The following NECAB1 variants were observed in gnomAD, a reference collection of about 807,000 sequenced individuals.
NECAB1 encodes N-terminal EF-hand calcium-binding protein 1.
NECAB1 carries 29 observed loss-of-function variants against 57.5 expected under a neutral mutation model. That is an observed-to-expected ratio of 0.50 (90% CI 0.38 to 0.69). The LOEUF is 0.69. Ranked by LOEUF, NECAB1 falls within the 30% of genes least tolerant of loss-of-function variation. The pLI is 0.00. For synonymous variants in NECAB1, 142 were observed against 147.7 expected, an observed-to-expected ratio of 0.96 and a Z score of 0.28; for missense variants, 372 against 413.8, an observed-to-expected ratio of 0.90 and a Z score of 0.88.
In NECAB1 at chr8:90,934,364, A is replaced by AT; in HGVS notation, c.747+12dup. ...TGAAGGGAATACTAAATCTGTAAGT[A>AT]TTTTTATCAGGTAAAAATGTTAGAA... On this transcript the variant is annotated splice_region_variant and intron_variant, in intron 9 of 12. Transcript: ENST00000417640. 1 of 1,459,292 alleles carries AT rather than the reference A, an allele frequency of 6.9e-7. No homozygotes were observed. The highest frequency in any genetic ancestry group is 2.6e-5 in the East Asian group (1 of 39,120). 90.4% of individuals were successfully genotyped at this position (1,459,292 alleles called of 1,614,324 possible).
intron 2 of NECAB1, among the ~76,000 whole-genome samples, chr8:90,822,522 AT>A (rs577641262): frequency 1.3e-5 from 2 of 151,724 alleles, no homozygotes; most frequent in Non-Finnish European, 2.9e-5. Flanking sequence ...CTTTTTATAT[AT>A]TTTTTTCTAA....
chr8:90,825,285 A>G (rs556522792), intron 3 of NECAB1, among the ~76,000 whole-genome samples: 6 of 152,022 alleles, frequency 3.9e-5, no homozygotes, highest in Non-Finnish European at 7.4e-5. Context: ...ACCTGAGGAC[A>G]TAATTATCTC....
In NECAB1 at chr8:90,869,137, T is replaced by A. The variant is rs113791332; in HGVS notation, c.234-2991T>A. 9.1e-3 allele frequency among the ~76,000 whole-genome samples: 1,388 copies of A among 152,308 alleles called. 20 individuals are homozygous for A. The highest frequency in any genetic ancestry group is 0.031 in the African/African-American group (1,301 of 41,548). The stretch of plus-strand genomic sequence containing the variant: ...TTCCACATGGTGTTGAGCCTACAGG[T>A]GTGCAGAAGGCAAGAGCTGAGGGTT... On this transcript the variant is annotated intron_variant, in intron 3 of 12. Coordinates refer to ENST00000417640, the MANE Select transcript of NECAB1 (RefSeq NM_022351.5).
At chr8:90,954,874 T>C (rs967124335) in intron 12 of NECAB1, among the ~76,000 whole-genome samples, 2 of 148,016 alleles carry the variant, frequency 1.4e-5, no homozygotes, top group Non-Finnish European at 3.0e-5. Flanking sequence ...CATATGCATA[T>C]ATGTATATTA....
At chr8:90,899,153 CT>C (rs1809436725) in intron 5 of NECAB1, among the ~76,000 whole-genome samples, 1 of 152,178 alleles carries the variant, frequency 6.6e-6, no homozygotes, top group Non-Finnish European at 1.5e-5. Context: ...GGAGTCCCCC[CT>C]GACTTACACC....
intron 5 of NECAB1, among the ~76,000 whole-genome samples, chr8:90,887,972 A>G (rs1364905368): frequency 1.3e-5 from 2 of 152,142 alleles, no homozygotes; most frequent in African/African-American, 4.8e-5. Flanking sequence ...CTGCTGGTGT[A>G]CCCCAAATCC....
chr8:90,902,460 C>A (rs944298223), intron 5 of NECAB1, among the ~76,000 whole-genome samples: 1 of 152,026 alleles, frequency 6.6e-6, no homozygotes, highest in African/African-American at 2.4e-5. Context: ...AAGTTACATA[C>A]GTAGAAAAGG....
chr8:90,906,903 A>ATG (rs1563528359), intron 5 of NECAB1, among the ~76,000 whole-genome samples: 8 of 141,532 alleles, frequency 5.7e-5, no homozygotes, highest in African/African-American at 2.1e-4. Context: ...ATATATATAT[A>ATG]TATATATCTT....
chr8:90,832,074 G>A (rs980186808), intron 3 of NECAB1, among the ~76,000 whole-genome samples: 23 of 152,076 alleles, frequency 1.5e-4, no homozygotes, highest in Non-Finnish European at 2.1e-4. Flanking sequence ...TGTAGCCATC[G>A]GATTTCCTTA....
intron 3 of NECAB1, among the ~76,000 whole-genome samples, chr8:90,865,388 G>C (rs1808494329): frequency 6.6e-6 from 1 of 152,088 alleles, no homozygotes; most frequent in Admixed American, 6.6e-5. Flanking sequence ...AGGGGTGTGT[G>C]ATGATCACTA....
chr8:90,883,963 C>T (rs1331400447), intron 5 of NECAB1, among the ~76,000 whole-genome samples: 5 of 152,118 alleles, frequency 3.3e-5, no homozygotes, highest in Non-Finnish European at 5.9e-5. Context: ...GAATTCATCA[C>T]GTGCTATGTT....
At chr8:90,878,082 G>A (rs1010853000) in intron 4 of NECAB1, among the ~76,000 whole-genome samples, 1 of 151,754 alleles carries the variant, frequency 6.6e-6, no homozygotes, top group African/African-American at 2.4e-5. Context: ...TGTCACCCAG[G>A]CTGGAGTGCA....
rs1811055877 is a variant in NECAB1 at position 90,957,663 on chromosome 8, C to A, written c.*2151C>A. 7.5e-6 allele frequency: 1 copy of A among 132,636 alleles called. No homozygotes were observed. Among genetic ancestry groups the A allele is most frequent in the African/African-American group, 2.8e-5 (1 of 35,552 alleles). 8.2% of individuals were successfully genotyped at this position (132,636 alleles called of 1,614,324 possible). ...CTGGAACCTATAGTAGAAAAGGAAA[C>A]TAGTAGGGCCAAAAAAAAAAAGAAA... On this transcript the variant is annotated 3_prime_UTR_variant, in exon 13 of 13. Transcript: ENST00000417640.
At chr8:90,864,560 G>C (rs763406543) in intron 3 of NECAB1, among the ~76,000 whole-genome samples, 1 of 152,054 alleles carries the variant, frequency 6.6e-6, no homozygotes, top group Admixed American at 6.6e-5. Flanking sequence ...TCAACACAGC[G>C]TAAACAGAAT....
intron 3 of NECAB1, among the ~76,000 whole-genome samples, chr8:90,831,723 C>T (rs1179626821): frequency 1.1e-4 from 16 of 152,086 alleles, no homozygotes; most frequent in Admixed American, 1.0e-3. Flanking sequence ...TTCTTTTCTC[C>T]TAATGGTCTT....
intron 3 of NECAB1, among the ~76,000 whole-genome samples, chr8:90,831,155 G>T (rs1353614092): frequency 6.6e-6 from 1 of 152,046 alleles, no homozygotes; most frequent in African/African-American, 2.4e-5. Context: ...GAAGCTCAAG[G>T]TTCATATTGC....
chr8:90,944,336 C>A (rs976206778), intron 10 of NECAB1, among the ~76,000 whole-genome samples: 1 of 152,120 alleles, frequency 6.6e-6, no homozygotes, highest in African/African-American at 2.4e-5. Context: ...GATTAGGAGA[C>A]TCTGAAGTAT....
intron 7 of NECAB1, among the ~76,000 whole-genome samples, chr8:90,927,272 G>A (rs1329887685): frequency 7.4e-6 from 1 of 134,564 alleles, no homozygotes; most frequent in South Asian, 2.2e-4. Flanking sequence ...ATAATTTGGT[G>A]GGCCTTGAAA....
intron 3 of NECAB1, among the ~76,000 whole-genome samples, chr8:90,865,336 A>G (rs1808493217): frequency 1.3e-5 from 2 of 152,142 alleles, no homozygotes; most frequent in Non-Finnish European, 2.9e-5. Flanking sequence ...AGTCTTGCTT[A>G]TGGGACCTCC....
Sources: allele counts gnomAD v4.1 joint callset (sites outside exome capture counted in the v4.1 genomes callset), GRCh38; gene constraint gnomAD v4.1.1; transcripts MANE v1.5; gene names NCBI Gene and HGNC (gene_info 2026-07-23, HGNC 2026-07-21).